The following KAZN variants were observed in gnomAD, a reference collection of about 807,000 sequenced individuals.
The protein encoded by KAZN is kazrin, periplakin interacting protein.
A neutral mutation model predicts 87.4 loss-of-function variants in KAZN; 40 were observed. The ratio of observed to expected loss-of-function variants is 0.46; its 90% CI spans 0.36 to 0.60. KAZN has a LOEUF of 0.60. Among genes scored for constraint, KAZN ranks in the 20% least tolerant of loss-of-function variants. KAZN has a pLI of 0.00. For synonymous variants in KAZN, 466 were observed against 458.3 expected, an observed-to-expected ratio of 1.02 and a Z score of -0.22; for missense variants, 898 against 1,073.9, an observed-to-expected ratio of 0.84 and a Z score of 2.29.
At chr1:14,841,614 T>A (rs1572625088) in intron 1 of KAZN, among the ~76,000 whole-genome samples, 1 of 152,026 alleles carries the variant, frequency 6.6e-6, no homozygotes, top group Non-Finnish European at 1.5e-5. Flanking sequence ...GATACACCCC[T>A]CCCTTCCCAG....
At chr1:15,072,837 C>G (rs973343281) in intron 8 of KAZN, among the ~76,000 whole-genome samples, 3 of 152,172 alleles carry the variant, frequency 2.0e-5, no homozygotes, top group African/African-American at 7.2e-5. Context: ...CCCAAGCCCC[C>G]TCTCAGGGCC....
chr1:14,065,211 T>C (rs1357197125), intron 1 of KAZN, among the ~76,000 whole-genome samples: 1 of 152,142 alleles, frequency 6.6e-6, no homozygotes, highest in Non-Finnish European at 1.5e-5. Flanking sequence ...GCCTTCCGCA[T>C]TGATAACATG....
rs187277280 is a variant in KAZN, at chr1:14,688,522, A to C, written c.226+89299A>C. Among the ~76,000 whole-genome samples the C allele has an allele frequency of 4.6e-5, 7 of 152,382 alleles. No individual in the cohort carries two copies. The East Asian group carries it at 1.3e-3, about 29-fold the overall frequency. ...CCTCTGCCCTCAAGCATCTTGTGTT[A>C]GAAATCTATCAGGAAGTGGGTAATT... On this transcript the variant is annotated intron_variant, in intron 1 of 14. Transcript: ENST00000376030.
intron 2 of KAZN, among the ~76,000 whole-genome samples, chr1:14,306,104 G>A (rs12040547): frequency 0.025 from 3,743 of 152,266 alleles, 67 homozygotes; most frequent in East Asian, 0.095. Flanking sequence ...GTGGCCCTGG[G>A]TGAGATGAAG....
At chr1:14,370,339 G>A (rs1660376774) in intron 2 of KAZN, among the ~76,000 whole-genome samples, 1 of 152,220 alleles carries the variant, frequency 6.6e-6, no homozygotes, top group Non-Finnish European at 1.5e-5. Context: ...CATGAAGGCT[G>A]CCAAGCTGTT....
intron 2 of KAZN, among the ~76,000 whole-genome samples, chr1:14,248,247 C>T (rs1649693459): frequency 6.6e-6 from 1 of 152,196 alleles, no homozygotes; most frequent in Non-Finnish European, 1.5e-5. Flanking sequence ...GGATTCTAAA[C>T]TCCTATAAAT....
At position 14,544,350 on chromosome 1, in the gene KAZN, C is replaced by CTTT. The variant is rs374148415; in HGVS notation, c.250-54616_250-54614dup. 1.3e-3 allele frequency among the ~76,000 whole-genome samples: 125 copies of CTTT among 98,100 alleles called. 3 individuals carry two copies. Among genetic ancestry groups the CTTT allele is most frequent in the South Asian group, 3.3e-3 (9 of 2,708 alleles). 64.4% of individuals were successfully genotyped at this position (98,100 alleles called of 152,430 possible). A position where few individuals can be genotyped will look rare whatever the true frequency, so the allele number is the denominator to read the frequency against. On this transcript the variant is annotated intron_variant, in intron 2 of 16. Coordinates refer to the KAZN transcript ENST00000636203. ...TTTTTTTCTTTTTCTTTCTTTCTTT[C>CTTT]TTTTTTTTTTTTTTTTTTTGGTCTT...
chr1:14,594,296 C>CTAA (rs1248781662), upstream of KAZN, among the ~76,000 whole-genome samples: 1 of 152,186 alleles, frequency 6.6e-6, no homozygotes, highest in African/African-American at 2.4e-5. Context: ...GGGTTAGGCC[C>CTAA]TTAGCCTTGA....
intron 1 of KAZN, among the ~76,000 whole-genome samples, chr1:14,883,721 A>C (rs1653740736): frequency 6.6e-6 from 1 of 152,172 alleles, no homozygotes. Context: ...GGACACAGGC[A>C]AGACCTTCCA....
Position 14,543,161 on chromosome 1 carries a change from G to A in KAZN, c.250-55822G>A, listed in dbSNP as rs114557302. ...TGGGCTATATGACCTGTGTCATAAT[G>A]TACTTTAAAAATGCTTTATCACAAA... is the stretch of plus-strand genomic sequence containing the variant. On this transcript the variant is annotated intron_variant, in intron 2 of 16. Transcript: ENST00000636203. Among the ~76,000 whole-genome samples, 811 of 152,266 alleles carry A rather than the reference G, an allele frequency of 5.3e-3. 8 individuals are homozygous for A. The highest frequency in any genetic ancestry group is 0.018 in the African/African-American group (764 of 41,534).
At chr1:14,753,589 A>AAAAAT (rs951533001) in intron 1 of KAZN, among the ~76,000 whole-genome samples, 1 of 152,196 alleles carries the variant, frequency 6.6e-6, no homozygotes, top group Non-Finnish European at 1.5e-5. Context: ...AAAATTAAAA[A>AAAAAT]AAAATAAAAT....
intron 2 of KAZN, among the ~76,000 whole-genome samples, chr1:14,304,258 C>T (rs971710747): frequency 2.6e-5 from 4 of 152,212 alleles, no homozygotes; most frequent in African/African-American, 7.2e-5. Context: ...TTTCACCTAC[C>T]GATGTTCAAC....
chr1:15,015,430 C>T (rs755393103), intron 2 of KAZN, among the ~76,000 whole-genome samples: 8 of 152,114 alleles, frequency 5.3e-5, no homozygotes, highest in African/African-American at 1.9e-4. Context: ...GGATTATAGG[C>T]GTGAGCCACC....
At chr1:14,047,097 C>T (rs1642109531) in intron 1 of KAZN, among the ~76,000 whole-genome samples, 2 of 152,168 alleles carry the variant, frequency 1.3e-5, no homozygotes, top group South Asian at 4.1e-4. Flanking sequence ...ACCTGTCATC[C>T]ATCCATCCAT....
chr1:15,048,877 G>A (rs914181874), intron 4 of KAZN, among the ~76,000 whole-genome samples: 33 of 150,664 alleles, frequency 2.2e-4, no homozygotes, highest in South Asian at 4.4e-4. Context: ...GTCCTGGGTC[G>A]TTGGTCCTGG....
Position 15,029,629 on chromosome 1 carries a change from G to T in KAZN, c.419-5120G>T, listed in dbSNP as rs141837648. 1.3e-3 allele frequency among the ~76,000 whole-genome samples: 204 copies of T among 152,316 alleles called. 1 individual carries two copies. Among genetic ancestry groups the T allele is most frequent in the Admixed American group, 2.7e-3 (42 of 15,306 alleles). ...ACAAAGGCCATTTGTGAGAGGAAAG[G>T]CCTGGGAATGCCATGTTGAGGTGCT... is the stretch of plus-strand genomic sequence containing the variant. On this transcript the variant is annotated intron_variant, in intron 2 of 14. Transcript: ENST00000376030.
intron 1 of KAZN, among the ~76,000 whole-genome samples, chr1:14,778,705 C>A (rs1375345202): frequency 6.6e-6 from 1 of 152,102 alleles, no homozygotes; most frequent in Non-Finnish European, 1.5e-5. Flanking sequence ...CACGTAACAA[C>A]CCCCAGTATT....
At chr1:14,431,134 A>G (rs973084009) in intron 2 of KAZN, among the ~76,000 whole-genome samples, 1 of 152,242 alleles carries the variant, frequency 6.6e-6, no homozygotes, top group Admixed American at 6.5e-5. Flanking sequence ...AGAACAAAGT[A>G]TATAATGATA....
intron 1 of KAZN, among the ~76,000 whole-genome samples, chr1:14,031,042 G>C (rs919765431): frequency 2.1e-4 from 32 of 152,146 alleles, no homozygotes; most frequent in African/African-American, 7.5e-4. Context: ...GAAAATAGAT[G>C]TAATACCGTC....
Sources: allele counts gnomAD v4.1 joint callset (sites outside exome capture counted in the v4.1 genomes callset), GRCh38; gene constraint gnomAD v4.1.1; transcripts MANE v1.5; gene names NCBI Gene and HGNC (gene_info 2026-07-23, HGNC 2026-07-21).